Variants in ENPP2 observed in about 807,000 individuals in gnomAD.
ENPP2 encodes the protein autotaxin.
A neutral mutation model predicts 120.2 loss-of-function variants in ENPP2; 51 were observed. The observed-to-expected ratio is 0.42, with a 90% CI of 0.34 to 0.54. The LOEUF is 0.54. Ranked by LOEUF, ENPP2 falls within the 20% of genes least tolerant of loss-of-function variation. The probability of loss-of-function intolerance (pLI) is 0.04; values close to 1 mark genes in which losing one functional copy is unlikely to be tolerated. For missense variants in ENPP2, 920 were observed against 1,066.5 expected (o/e 0.86, Z 1.91); for synonymous variants, 365 against 366.4 (o/e 1.00, Z 0.04).
upstream of ENPP2, among the ~76,000 whole-genome samples, chr8:119,642,917 T>C (rs1817325358): frequency 6.6e-6 from 1 of 152,232 alleles, no homozygotes; most frequent in African/African-American, 2.4e-5. Context: ...TCGTTCTTGC[T>C]TCCTGAAGTA....
intron 1 of ENPP2, among the ~76,000 whole-genome samples, chr8:119,657,990 G>T (rs1399566999): frequency 6.6e-6 from 1 of 152,186 alleles, no homozygotes; most frequent in African/African-American, 2.4e-5. Context: ...GTGAATGAAT[G>T]ATTTTTTGTC....
At chr8:119,560,061 T>A (rs991405475) in intron 24 of ENPP2, among the ~76,000 whole-genome samples, 4 of 152,176 alleles carry the variant, frequency 2.6e-5, no homozygotes, top group African/African-American at 9.7e-5. Flanking sequence ...ACAGCCTTTG[T>A]ACCAAGTTTA....
intron 1 of ENPP2, among the ~76,000 whole-genome samples, chr8:119,671,928 C>T (rs749566611): frequency 2.9e-4 from 44 of 152,058 alleles, no homozygotes; most frequent in Non-Finnish European, 5.9e-4. Flanking sequence ...CATGGGATTG[C>T]AGGATCCAGG....
chr8:119,606,098 CTG>C (rs1354258308), intron 9 of ENPP2, among the ~76,000 whole-genome samples: 2 of 152,068 alleles, frequency 1.3e-5, no homozygotes, highest in Admixed American at 1.3e-4. Context: ...AGAATATACA[CTG>C]TGTAGATTTC....
At chr8:119,565,833 G>A (rs1444040647) in intron 22 of ENPP2, among the ~76,000 whole-genome samples, 1 of 152,036 alleles carries the variant, frequency 6.6e-6, no homozygotes, top group Non-Finnish European at 1.5e-5. Flanking sequence ...GCCAGACGGA[G>A]CCTTTTACAC....
chr8:119,590,752 C>T (rs1813439100), intron 12 of ENPP2, 122 bp from the exon 13 acceptor site: 1 of 606,578 alleles, frequency 1.6e-6, no homozygotes, highest in Admixed American at 3.9e-5. Flanking sequence ...TGGGAAGAGC[C>T]CTGACTTTTG....
rs1219482362 is a variant in ENPP2 at position 119,638,774 on chromosome 8, T to C, written c.7A>G (p.Arg3Gly). 1.9e-6 allele frequency: 3 copies of C among 1,611,868 alleles called. No individual in the cohort carries two copies. The highest frequency in any genetic ancestry group is 2.2e-5 in the East Asian group (1 of 44,882). Residue 3 changes from arginine to glycine, a missense_variant, in exon 1 of 25, where the codon AGG (arginine) becomes GGG (glycine). Coordinates refer to ENST00000075322, the MANE Select transcript of ENPP2 (RefSeq NM_001040092.3). MA[R>G]RSSFQSCQII... ...TGACACGACTGGAACGAGCTCCTCC[T>C]TGCCATGTCGAGGATTCTTGGAAAG...
rs200596734 is a variant in ENPP2 at position 119,557,679 on chromosome 8, C to T, written c.2434G>A (p.Glu812Lys). The change falls in exon 25 of 25, where the codon GAA becomes AAA. Residue 812 changes from glutamate to lysine, a missense_variant. Transcript: ENST00000075322. ...ATGAGTTCTTCTACCCATTTTGATT[C>T]GTCCTCTGAGCTCTGCAATGGAAAC... ...NEESCNSSED[E>K]SKWVEELMKM... 4.1e-5 allele frequency: 65 copies of T among 1,573,158 alleles called. No homozygotes were observed. The highest frequency in any genetic ancestry group is 2.0e-4 in the East Asian group (9 of 44,320).
intron 12 of ENPP2, among the ~76,000 whole-genome samples, chr8:119,592,766 C>T (rs1230445098): frequency 6.7e-6 from 1 of 149,100 alleles, no homozygotes; most frequent in African/African-American, 2.5e-5. Flanking sequence ...ATGCATGGAG[C>T]ATGACTTCGC....
chr8:119,610,525 C>G (rs1251744460), intron 8 of ENPP2, among the ~76,000 whole-genome samples: 1 of 151,008 alleles, frequency 6.6e-6, no homozygotes, highest in Non-Finnish European at 1.5e-5. Context: ...AGAAGCTTCC[C>G]GGTTCCTTGT....
intron 3 of ENPP2, among the ~76,000 whole-genome samples, chr8:119,624,928 C>T (rs1214373423): frequency 6.6e-6 from 1 of 152,164 alleles, no homozygotes; most frequent in Non-Finnish European, 1.5e-5. Flanking sequence ...GATTCCTTCA[C>T]ATTCAGGATA....
chr8:119,578,465 G>T (rs1276467884), intron 19 of ENPP2: 1 of 152,204 alleles, frequency 6.6e-6, no homozygotes, highest in Non-Finnish European at 1.5e-5. Context: ...TTAGTACCAT[G>T]AACAGTCAGA....
intron 2 of ENPP2, among the ~76,000 whole-genome samples, chr8:119,634,178 C>G (rs1202591244): frequency 6.9e-6 from 1 of 145,372 alleles, no homozygotes; most frequent in Non-Finnish European, 1.5e-5. Context: ...ATGAGACTCT[C>G]TCTCAAAAAA....
At position 119,583,965 on chromosome 8, in the gene ENPP2, C is replaced by A; in HGVS notation, c.1452G>T (p.Met484Ile). 6.2e-7 allele frequency: 1 copy of A among 1,611,092 alleles called. No individual in the cohort carries two copies. Among genetic ancestry groups the A allele is most frequent in the Non-Finnish European group, 8.5e-7 (1 of 1,177,288 alleles). Residue 484 changes from methionine (M) to isoleucine (I), a missense_variant, in exon 16 of 25, where the codon ATG (methionine) becomes ATT (isoleucine). Transcript: ENST00000075322. ...ATTCACAGTTCTGCCATCATACCTG[C>A]ATGCTGTTGACCTTGTTATCAAATC... The part of the protein sequence containing the change: ...DHGFDNKVNS[M>I]QTVFVGYGST...
chr8:119,616,068 C>T (rs1815434802), intron 8 of ENPP2, among the ~76,000 whole-genome samples, 197 bp downstream of exon 8: 1 of 151,516 alleles, frequency 6.6e-6, no homozygotes, highest in Non-Finnish European at 1.5e-5. Context: ...CATATATACA[C>T]ATATTTCAGA....
intron 1 of ENPP2, among the ~76,000 whole-genome samples, chr8:119,666,090 C>A (rs1249132074): frequency 6.6e-6 from 1 of 152,132 alleles, no homozygotes; most frequent in Non-Finnish European, 1.5e-5. Flanking sequence ...GCAGGTTACA[C>A]AAGGCTATGG....
At chr8:119,564,137 A>C (rs887097740) in intron 23 of ENPP2, among the ~76,000 whole-genome samples, 3 of 151,998 alleles carry the variant, frequency 2.0e-5, no homozygotes, top group African/African-American at 7.2e-5. Context: ...AACCAGATTC[A>C]ATCCAAGTCC....
In ENPP2 at chr8:119,664,456, T is replaced by C. The variant is rs557565769; in HGVS notation, c.21+8796A>G. ...AGGAGATAATGGAAATGAAAATGATTTGCAAGCCGTGAAACTGCAAAGCAC... is the reference window on the plus strand; with the variant it reads ...AGGAGATAATGGAAATGAAAATGATCTGCAAGCCGTGAAACTGCAAAGCAC... On this transcript the variant is annotated intron_variant, in intron 1 of 25. Coordinates refer to the ENPP2 transcript ENST00000427067. Among the ~76,000 whole-genome samples, 3 of 152,210 alleles carry C rather than the reference T, an allele frequency of 2.0e-5. No homozygotes were observed. The South Asian group carries it at 6.2e-4, about 32-fold the overall frequency.
intron 1 of ENPP2, among the ~76,000 whole-genome samples, chr8:119,661,236 T>C (rs1407219253): frequency 1.3e-5 from 2 of 152,108 alleles, no homozygotes; most frequent in Non-Finnish European, 2.9e-5. Context: ...AAAACCTAGA[T>C]AACGGGTTGA....
Sources: allele counts gnomAD v4.1 joint callset (sites outside exome capture counted in the v4.1 genomes callset), GRCh38; gene constraint gnomAD v4.1.1; transcripts MANE v1.5; gene names NCBI Gene and HGNC (gene_info 2026-07-23, HGNC 2026-07-21).